TNFRSF18: variants seen among roughly 807,000 people sequenced by gnomAD.
TNFRSF18 encodes TNF receptor superfamily member 18, also known as tumor necrosis factor receptor superfamily member 18.
In TNFRSF18, 36 loss-of-function variants were observed where a neutral mutation model predicts 30.2. That is an observed-to-expected ratio of 1.19 (90% CI 0.91 to 1.58). TNFRSF18 has a LOEUF of 1.58. TNFRSF18 is among the 40% of genes most tolerant of loss of function. The probability of loss-of-function intolerance (pLI) is 0.00; values close to 1 mark genes in which losing one functional copy is unlikely to be tolerated. For synonymous variants in TNFRSF18, 173 were observed against 158.3 expected (o/e 1.09, Z -0.70); for missense variants, 369 against 345.4 (o/e 1.07, Z -0.54).
At chr1:1,204,602 GC>G (rs375827361) in intron 2 of TNFRSF18, 116 bp from the exon 3 acceptor site, 149 of 751,126 alleles carry the variant, frequency 2.0e-4, no homozygotes, top group Admixed American at 1.8e-4. Context: ...TGAGTAGAAT[GC>G]CCCCCCCATC....
rs748245581 is a variant in TNFRSF18, at chr1:1,205,501, G to A, written c.188-9C>T. 1 of 1,609,600 alleles carries A rather than the reference G, an allele frequency of 6.2e-7. No homozygotes were observed. The highest frequency in any genetic ancestry group is 8.5e-7 in the Non-Finnish European group (1 of 1,177,954). On this transcript the variant is annotated splice_polypyrimidine_tract_variant and intron_variant, in intron 1 of 4. Coordinates refer to ENST00000379268, the MANE Select transcript of TNFRSF18 (RefSeq NM_004195.3). Reference sequence around the variant, plus strand: ...GGAACAGCACTCCTCGCCTGGGCAGGAGACAGGCCAGCCCCCCAGCAGCTG... The same window carrying A: ...GGAACAGCACTCCTCGCCTGGGCAGAAGACAGGCCAGCCCCCCAGCAGCTG...
rs1223884485 is a variant in TNFRSF18 at position 1,204,458 on chromosome 1, G to A, written c.339C>T (p.Ile113=). The change falls in exon 3 of 5, where the codon ATC becomes ATT. Residue 113 remains isoleucine (I), a synonymous_variant. Coordinates refer to ENST00000379268, the MANE Select transcript of TNFRSF18 (RefSeq NM_004195.3). ...QGKFSFGFQC[I]DCASGTFSGG... ...CGGAGAAGGTCCCCGAGGCACAGTC[G>A]ATACACTGGAAGCCAAAACTGAATT... is the stretch of plus-strand genomic sequence containing the variant. 1.5e-5 allele frequency: 21 copies of A among 1,402,188 alleles called. No homozygotes were observed. The highest frequency in any genetic ancestry group is 7.5e-5 in the Admixed American group (4 of 53,182). 86.9% of individuals were successfully genotyped at this position (1,402,188 alleles called of 1,614,324 possible). A position where few individuals can be genotyped will look rare whatever the true frequency, so the allele number is the denominator to read the frequency against.
Position 1,203,891 on chromosome 1 carries a change from C to T in TNFRSF18, c.679G>A (p.Glu227Lys), listed in dbSNP as rs764023260. 10 of 1,605,694 alleles carry T rather than the reference C, an allele frequency of 6.2e-6. No homozygotes were observed. The highest frequency in any genetic ancestry group is 1.6e-4 in the Middle Eastern group (1 of 6,078). The change falls in exon 5 of 5, where the codon GAG (glutamate) becomes AAG (lysine). Residue 227 changes from glutamate (E) to lysine (K), a missense_variant. By Grantham distance (56) the Glu-to-Lys change is moderately conservative (BLOSUM62 1). Transcript: ENST00000379268. The part of the protein sequence containing the change: ...SCQFPEEERG[E>K]RSAEEKGRLG... ...CGCCCCTTCTCCTCTGCCGATCGCT[C>T]GCCCCGCTCTTCCTCGGGGAACTGG... is the stretch of plus-strand genomic sequence containing the variant.
At position 1,204,252 on chromosome 1, in the gene TNFRSF18, G is replaced by GCGGCCTCCTATCAGCCCCCGGACA. The variant is rs749831398; in HGVS notation, c.399-40_399-17dup. On this transcript the variant is annotated splice_polypyrimidine_tract_variant and intron_variant, in intron 3 of 4. Coordinates refer to ENST00000379268, the MANE Select transcript of TNFRSF18 (RefSeq NM_004195.3). ...CTGGGTGCAGCTGGAATACATGGAC[G>GCGGCCTCCTATCAGCCCCCGGACA]CGGCCTCCTATCAGCCCCCGGACAC... 6.2e-7 allele frequency: 1 copy of GCGGCCTCCTATCAGCCCCCGGACA among 1,605,530 alleles called. No homozygotes were observed. Among genetic ancestry groups the GCGGCCTCCTATCAGCCCCCGGACA allele is most frequent in the Non-Finnish European group, 8.5e-7 (1 of 1,175,916 alleles).
In TNFRSF18 at chr1:1,203,918, A is replaced by G. The variant is rs779298827; in HGVS notation, c.652T>C (p.Cys218Arg). ...CCCCGCTCTTCCTCGGGGAACTGGC[A>G]GCTTCTGGCGTCTTCGGTCGACGGC... ...VPPSTEDARS[C>R]QFPEEERGER... is the part of the protein sequence containing the mutation. The change falls in exon 5 of 5, where the codon TGC (cysteine) becomes CGC (arginine). Residue 218 changes from cysteine to arginine, a missense_variant. Transcript: ENST00000379268. The G allele has an allele frequency of 6.2e-7, 1 of 1,608,084 alleles. No individual in the cohort carries two copies. Among genetic ancestry groups the G allele is most frequent in the Non-Finnish European group, 8.5e-7 (1 of 1,179,602 alleles).
intron 1 of TNFRSF18, among the ~76,000 whole-genome samples, chr1:1,205,887 G>C (rs2100941213): frequency 6.6e-6 from 1 of 152,330 alleles, no homozygotes; most frequent in East Asian, 1.9e-4. Flanking sequence ...CCTCCGGACA[G>C]AGCCTCCCTT....
Position 1,203,917 on chromosome 1 carries a change from C to G in TNFRSF18, c.653G>C (p.Cys218Ser). 1 of 1,607,896 alleles carries G rather than the reference C, an allele frequency of 6.2e-7. No homozygotes were observed. Among genetic ancestry groups the G allele is most frequent in the Non-Finnish European group, 8.5e-7 (1 of 1,179,544 alleles). Residue 218 changes from cysteine to serine, a missense_variant, in exon 5 of 5, where the codon TGC becomes TCC. Cys to Ser is a moderately radical substitution (Grantham distance 112). Coordinates refer to ENST00000379268, the MANE Select transcript of TNFRSF18 (RefSeq NM_004195.3). ...VPPSTEDARS[C>S]QFPEEERGER... ...GCCCCGCTCTTCCTCGGGGAACTGG[C>G]AGCTTCTGGCGTCTTCGGTCGACGG...
chr1:1,206,536 G>A lies in TNFRSF18; in HGVS notation c.36C>T (p.Ala12=), dbSNP rs1648849551. 2 of 1,524,716 alleles carry A rather than the reference G, an allele frequency of 1.3e-6. No homozygotes were observed. Among genetic ancestry groups the A allele is most frequent in the Non-Finnish European group, 1.8e-6 (2 of 1,139,284 alleles). 94.4% of individuals were successfully genotyped at this position (1,524,716 alleles called of 1,614,324 possible). A position where few individuals can be genotyped will look rare whatever the true frequency, so the allele number is the denominator to read the frequency against. ...AQHGAMGAFR[A]LCGLALLCAL... ...CGCACAGCAGCGCCAGGCCGCACAG[G>A]GCCCGAAACGCGCCCATCGCCCCGT... is the stretch of plus-strand genomic sequence containing the variant. The change falls in exon 1 of 5, where the codon GCC becomes GCT. Residue 12 remains alanine (A), a synonymous_variant. Coordinates refer to ENST00000379268, the MANE Select transcript of TNFRSF18 (RefSeq NM_004195.3).
At chr1:1,204,880 C>T (rs926241633) in intron 2 of TNFRSF18, among the ~76,000 whole-genome samples, 1 of 152,162 alleles carries the variant, frequency 6.6e-6, no homozygotes, top group Non-Finnish European at 1.5e-5. Context: ...CTGCCCCGTC[C>T]AACCTGACAC....
chr1:1,203,819 C>A lies in TNFRSF18; in HGVS notation c.*25G>T. Reference sequence around the variant, plus strand: ...CTCCTGGGGAGGGGCTGGCTGCGGTCGGTGGCCCCGGAGGACGGCCAGGCT... The same window carrying A: ...CTCCTGGGGAGGGGCTGGCTGCGGTAGGTGGCCCCGGAGGACGGCCAGGCT... On this transcript the variant is annotated 3_prime_UTR_variant, in exon 5 of 5. Transcript: ENST00000379268. 1 of 1,580,810 alleles carries A rather than the reference C, an allele frequency of 6.3e-7. No individual in the cohort carries two copies. The highest frequency in any genetic ancestry group is 8.5e-7 in the Non-Finnish European group (1 of 1,169,688).
intron 1 of TNFRSF18, among the ~76,000 whole-genome samples, chr1:1,206,176 G>T (rs11466679): frequency 0.021 from 3,221 of 152,214 alleles, 104 homozygotes; most frequent in African/African-American, 0.071. Flanking sequence ...CCCTGCTCCC[G>T]GCCGGGGCCA....
intron 3 of TNFRSF18, 22 bp downstream of exon 3, chr1:1,204,377 G>T (rs1284028176): frequency 1.2e-6 from 2 of 1,610,166 alleles, no homozygotes; most frequent in East Asian, 4.5e-5. Context: ...CCGGCCACCG[G>T]CAGGGCCCAC....
rs1418173560 is a variant in TNFRSF18 at position 1,206,483 on chromosome 1, C to T, written c.89G>A (p.Gly30Glu). Residue 30 changes from glycine (G) to glutamate (E), a missense_variant, in exon 1 of 5, where the codon GGG (glycine) becomes GAG (glutamate). Transcript: ENST00000379268. The stretch of plus-strand genomic sequence containing the variant: ...GCGCCCAGGGCCGCACCCGGGACCC[C>T]CGGTGGGGCGCTGACCCAGGCTGAG... ...CALSLGQRPT[G>E]GPGCGPGRLL... 3.2e-6 allele frequency: 5 copies of T among 1,546,344 alleles called. No homozygotes were observed.
At position 1,206,372 on chromosome 1, in the gene TNFRSF18, G is replaced by A. The variant is rs922296634; in HGVS notation, c.187+13C>T. 31 of 1,545,740 alleles carry A rather than the reference G, an allele frequency of 2.0e-5. No homozygotes were observed. Among genetic ancestry groups the A allele is most frequent in the Middle Eastern group, 2.2e-4 (1 of 4,568 alleles). On this transcript the variant is annotated intron_variant, in intron 1 of 4. Transcript: ENST00000379268. ...CTTGGCCGGTCCGCGTTAAGTAAAC[G>A]CGGTTTACTTACCCGGGTAATCGCG...
Position 1,203,581 on chromosome 1 carries a change from G to A in TNFRSF18, c.*263C>T. 6.7e-7 allele frequency: 1 copy of A among 1,497,804 alleles called. No individual in the cohort carries two copies. 92.8% of individuals were successfully genotyped at this position (1,497,804 alleles called of 1,614,324 possible). On this transcript the variant is annotated 3_prime_UTR_variant, in exon 5 of 5. Transcript: ENST00000379268. The stretch of plus-strand genomic sequence containing the variant: ...TGGGCACTGCACACCCACGGACACA[G>A]CCTCCCGTCCTAAGACCCCACCCCA...
chr1:1,205,391 C>G lies in TNFRSF18; in HGVS notation c.289G>C (p.Gly97Arg). The G allele has an allele frequency of 2.5e-6, 4 of 1,612,446 alleles. No individual in the cohort carries two copies. The African/African-American group carries it at 5.3e-5, about 21-fold the overall frequency. The change falls in exon 2 of 5, where the codon GGC becomes CGC. Residue 97 changes from glycine to arginine, a missense_variant. Physicochemically the swap from Gly to Arg is moderately radical, Grantham distance 125 (BLOSUM62 -2). Coordinates refer to ENST00000379268, the MANE Select transcript of TNFRSF18 (RefSeq NM_004195.3). ...TTACCCTGGGACTGTACCCCCTGGC[C>G]TGGGGGACAAGGGTGGTGCCGGCAG... Reference protein sequence around the residue: ...TTCRHHPCPPGQGVQSQGKFS... With the variant: ...TTCRHHPCPPRQGVQSQGKFS...
Position 1,203,710 on chromosome 1 carries a change from T to C in TNFRSF18, c.*134A>G, listed in dbSNP as rs1312567243. On this transcript the variant is annotated 3_prime_UTR_variant, in exon 5 of 5. Transcript: ENST00000379268. ...CTGCATGGTCCAGGGCGCTGGTCAC[T>C]GCCACCTTCCTGCACCCACTTCTGC... 1 of 1,563,496 alleles carries C rather than the reference T, an allele frequency of 6.4e-7. No individual in the cohort carries two copies. The highest frequency in any genetic ancestry group is 8.6e-7 in the Non-Finnish European group (1 of 1,160,282).
At chr1:1,204,370 GC>G (rs1648704136) in intron 3 of TNFRSF18, 28 bp downstream of exon 3, 3 of 1,608,976 alleles carry the variant, frequency 1.9e-6, no homozygotes, top group Non-Finnish European at 2.5e-6. Context: ...GGACCACCCG[GC>G]CACCGGCAGG....
At chr1:1,205,851 C>G (rs1252697141) in intron 1 of TNFRSF18, among the ~76,000 whole-genome samples, 1 of 152,242 alleles carries the variant, frequency 6.6e-6, no homozygotes, top group Non-Finnish European at 1.5e-5. Context: ...CTGGGCGCTG[C>G]TGTCCCCACC....
Sources: gnomAD v4.1 joint callset for allele counts (sites outside exome capture counted in the v4.1 genomes callset) on GRCh38, gnomAD v4.1.1 for gene constraint, MANE v1.5 for transcripts, NCBI Gene and HGNC (gene_info 2026-07-23, HGNC 2026-07-21) for gene names.